Variants in NCAM2 observed in about 807,000 individuals in gnomAD.
NCAM2 encodes N-CAM-2.
NCAM2 carries 30 observed loss-of-function variants against 98.1 expected under a neutral mutation model. The observed-to-expected ratio is 0.31, with a 90% CI of 0.23 to 0.41. The LOEUF (loss-of-function observed/expected upper bound fraction) is 0.41, where lower values mean the gene tolerates loss of function less well. NCAM2 is among the 10% of genes least tolerant of loss of function. The pLI is 1.00. For missense variants in NCAM2, 867 were observed against 1,005.8 expected (o/e 0.86, Z 1.87); for synonymous variants, 368 against 342.4 (o/e 1.07, Z -0.83).
intron 5 of NCAM2, among the ~76,000 whole-genome samples, chr21:21,307,750 G>A (rs1601930389): frequency 6.6e-6 from 1 of 152,094 alleles, no homozygotes; most frequent in South Asian, 2.1e-4. Flanking sequence ...TGTAGCAGCA[G>A]TATGTTAAAT....
intron 15 of NCAM2, among the ~76,000 whole-genome samples, chr21:21,508,147 G>GGCTT: frequency 6.6e-6 from 1 of 152,024 alleles, no homozygotes; most frequent in South Asian, 2.1e-4. Context: ...AAAGAAAAGT[G>GGCTT]GCTTCCACCT....
intron 5 of NCAM2, among the ~76,000 whole-genome samples, chr21:21,320,272 A>G (rs1032951118): frequency 2.6e-5 from 4 of 152,222 alleles, no homozygotes; most frequent in African/African-American, 9.6e-5. Context: ...CCACTCAGCT[A>G]CATTTGTTTA....
At chr21:21,272,508 G>GCGCGCA (rs1413165274) in intron 1 of NCAM2, among the ~76,000 whole-genome samples, 9 of 149,486 alleles carry the variant, frequency 6.0e-5, no homozygotes, top group African/African-American at 2.0e-4. Context: ...GCGCGCGCGC[G>GCGCGCA]CACACACACA....
At chr21:21,461,940 T>C (rs904796661) in intron 12 of NCAM2, among the ~76,000 whole-genome samples, 1 of 152,068 alleles carries the variant, frequency 6.6e-6, no homozygotes, top group Admixed American at 6.6e-5. Context: ...GTTCTGCGTG[T>C]GTATAGAAAC....
At chr21:21,054,756 CAA>C (rs910396770) in intron 1 of NCAM2, among the ~76,000 whole-genome samples, 7 of 152,116 alleles carry the variant, frequency 4.6e-5, no homozygotes, top group Admixed American at 2.6e-4. Context: ...AAATTTGTCT[CAA>C]AGAGAACTAT....
chr21:21,260,448 T>G (rs1159087343), intron 1 of NCAM2, among the ~76,000 whole-genome samples: 1 of 151,528 alleles, frequency 6.6e-6, no homozygotes, highest in Non-Finnish European at 1.5e-5. Context: ...TTAAGGCAGC[T>G]AAGGAAAAGT....
At chr21:21,511,578 G>C (rs1342039140) in intron 16 of NCAM2, among the ~76,000 whole-genome samples, 1 of 151,574 alleles carries the variant, frequency 6.6e-6, no homozygotes, top group African/African-American at 2.4e-5. Context: ...AATATCTCTT[G>C]ATTTTTTTAA....
intron 1 of NCAM2, among the ~76,000 whole-genome samples, chr21:21,276,706 A>G (rs2072741356): frequency 6.6e-6 from 1 of 152,124 alleles, no homozygotes; most frequent in African/African-American, 2.4e-5. Flanking sequence ...TAATATGCCA[A>G]TGTTTTAATA....
intron 1 of NCAM2, among the ~76,000 whole-genome samples, chr21:21,020,300 A>T (rs910452202): frequency 2.6e-5 from 4 of 152,022 alleles, no homozygotes; most frequent in Admixed American, 1.3e-4. Flanking sequence ...CCTCCCAAAG[A>T]GCTGGGCTTA....
intron 15 of NCAM2, among the ~76,000 whole-genome samples, chr21:21,479,956 T>C (rs1286973672): frequency 6.6e-6 from 1 of 152,140 alleles, no homozygotes; most frequent in East Asian, 1.9e-4. Context: ...AGTACTTCTT[T>C]GTGACAAACC....
intron 13 of NCAM2, among the ~76,000 whole-genome samples, chr21:21,466,967 T>A (rs578245487): frequency 8.3e-4 from 126 of 152,052 alleles, no homozygotes; most frequent in Non-Finnish European, 1.6e-3. Context: ...TCCCGGGAAA[T>A]TGTCCTTATT....
intron 1 of NCAM2, among the ~76,000 whole-genome samples, chr21:21,015,867 C>T (rs1239333500): frequency 6.6e-6 from 1 of 151,794 alleles, no homozygotes; most frequent in East Asian, 1.9e-4. Flanking sequence ...CCATGCCTGG[C>T]TAATTTTTTT....
chr21:21,329,951 C>T (rs903661943), intron 6 of NCAM2, among the ~76,000 whole-genome samples: 2 of 151,980 alleles, frequency 1.3e-5, no homozygotes, highest in African/African-American at 2.4e-5. Context: ...TTCATAGTAT[C>T]CCTTTGTTAT....
intron 8 of NCAM2, among the ~76,000 whole-genome samples, chr21:21,347,843 C>A (rs2075229642): frequency 6.6e-6 from 1 of 151,874 alleles, no homozygotes; most frequent in African/African-American, 2.4e-5. Context: ...ATCATATCAA[C>A]AAAGTGAAGC....
At chr21:21,161,436 T>G (rs1289760299) in intron 1 of NCAM2, among the ~76,000 whole-genome samples, 2 of 151,934 alleles carry the variant, frequency 1.3e-5, no homozygotes, top group African/African-American at 2.4e-5. Context: ...AGGGTTGTTT[T>G]TTAATATATT....
At chr21:21,424,891 C>T (rs952758286) in intron 11 of NCAM2, among the ~76,000 whole-genome samples, 1 of 151,224 alleles carries the variant, frequency 6.6e-6, no homozygotes, top group African/African-American at 2.4e-5. Flanking sequence ...AAAATATTAG[C>T]CGGGTGTGGT....
intron 1 of NCAM2, among the ~76,000 whole-genome samples, chr21:21,233,192 T>A (rs1025121102): frequency 6.6e-6 from 1 of 151,584 alleles, no homozygotes; most frequent in Non-Finnish European, 1.5e-5. Flanking sequence ...GTTTTGCTTT[T>A]AGTTCTACCT....
chr21:21,470,251 A>G (rs1226378842), intron 14 of NCAM2, among the ~76,000 whole-genome samples: 1 of 152,106 alleles, frequency 6.6e-6, no homozygotes, highest in Admixed American at 6.6e-5. Flanking sequence ...AGACAGCCAT[A>G]TATTTATGTA....
intron 9 of NCAM2, among the ~76,000 whole-genome samples, chr21:21,394,740 G>C (rs2145843511): frequency 6.6e-6 from 1 of 151,774 alleles, no homozygotes; most frequent in African/African-American, 2.4e-5. Flanking sequence ...TCCTGCCTCG[G>C]CCTCCCAAAG....
Sources: allele counts gnomAD v4.1 joint callset (sites outside exome capture counted in the v4.1 genomes callset), GRCh38; gene constraint gnomAD v4.1.1; transcripts MANE v1.5; gene names NCBI Gene and HGNC (gene_info 2026-07-23, HGNC 2026-07-21).